Variants in SLCO3A1 observed in about 807,000 individuals in gnomAD.
SLCO3A1 encodes the protein PGE1 transporter.
Under a neutral mutation model 63.1 loss-of-function variants are expected in SLCO3A1, and 27 were observed. That is an observed-to-expected ratio of 0.43 (90% CI 0.32 to 0.59). The LOEUF is 0.59. SLCO3A1 is among the 20% of genes least tolerant of loss of function. The pLI is 0.09. For missense variants in SLCO3A1, 773 were observed against 945.8 expected (o/e 0.82, Z 2.40); for synonymous variants, 473 against 409.9 (o/e 1.15, Z -1.86).
intron 9 of SLCO3A1, among the ~76,000 whole-genome samples, chr15:92,158,467 A>G (rs374966808): frequency 2.6e-5 from 4 of 152,172 alleles, no homozygotes; most frequent in East Asian, 3.9e-4. Flanking sequence ...AAGGTGGGGC[A>G]GGGGGAGTGG....
At chr15:91,985,768 G>A (rs552146679) in intron 2 of SLCO3A1, among the ~76,000 whole-genome samples, 1 of 152,306 alleles carries the variant, frequency 6.6e-6, no homozygotes, top group African/African-American at 2.4e-5. Flanking sequence ...AAGGGCCACA[G>A]GACCACTTCC....
chr15:92,045,114 A>G (rs577274672), intron 2 of SLCO3A1, among the ~76,000 whole-genome samples: 14 of 152,262 alleles, frequency 9.2e-5, no homozygotes, highest in African/African-American at 3.4e-4. Flanking sequence ...CACCGTCTCT[A>G]CTAAAAATAC....
intron 2 of SLCO3A1, among the ~76,000 whole-genome samples, chr15:92,034,508 T>G (rs941637265): frequency 2.0e-5 from 3 of 151,342 alleles, no homozygotes; most frequent in Non-Finnish European, 4.4e-5. Context: ...GTTTGGGGCA[T>G]GGATGTAAGA....
intron 2 of SLCO3A1, among the ~76,000 whole-genome samples, chr15:91,947,634 C>G (rs1026596920): frequency 2.6e-5 from 4 of 152,174 alleles, no homozygotes; most frequent in African/African-American, 9.7e-5. Context: ...CTTGTTTAAC[C>G]CACTTGAGTG....
chr15:92,153,260 A>G (rs532820843), intron 9 of SLCO3A1, among the ~76,000 whole-genome samples: 19 of 152,144 alleles, frequency 1.2e-4, no homozygotes, highest in Non-Finnish European at 2.4e-4. Flanking sequence ...AAAAAAAATC[A>G]TGAAAAAATA....
chr15:91,963,458 T>C lies in SLCO3A1; in HGVS notation c.646+47000T>C, dbSNP rs189175738. 2.8e-3 allele frequency among the ~76,000 whole-genome samples: 417 copies of C among 150,522 alleles called. 2 individuals carry two copies. Among genetic ancestry groups the C allele is most frequent in the African/African-American group, 9.8e-3 (397 of 40,590 alleles). Reference sequence around the variant, plus strand: ...GGGGCTGATTAACTCCTGAATGTTGTGCTAATGAGAAAGTGGTGTGGGTAG... The same window carrying C: ...GGGGCTGATTAACTCCTGAATGTTGCGCTAATGAGAAAGTGGTGTGGGTAG... On this transcript the variant is annotated intron_variant, in intron 2 of 9. Coordinates refer to ENST00000318445, the MANE Select transcript of SLCO3A1 (RefSeq NM_013272.4).
intron 2 of SLCO3A1, among the ~76,000 whole-genome samples, chr15:92,092,924 G>C (rs1379339180): frequency 6.6e-6 from 1 of 152,118 alleles, no homozygotes; most frequent in Non-Finnish European, 1.5e-5. Context: ...ACAGTTTCTG[G>C]TTGGCCATGG....
In SLCO3A1 at chr15:92,162,675, T is replaced by C. The variant is rs1316632245; in HGVS notation, c.1754-81T>C. On this transcript the variant is annotated intron_variant, in intron 9 of 9. Transcript: ENST00000318445. ...CAGACATATTTGCCTAGCAGTGCTA[T>C]AAGAAAAGCTAGGCAGAGACAGGAA... The C allele has an allele frequency of 2.0e-6, 3 of 1,521,784 alleles. No individual in the cohort carries two copies. The East Asian group carries it at 6.8e-5, about 35-fold the overall frequency. 94.3% of individuals were successfully genotyped at this position (1,521,784 alleles called of 1,614,324 possible).
intron 2 of SLCO3A1, among the ~76,000 whole-genome samples, chr15:91,958,397 T>C (rs1262445356): frequency 6.6e-6 from 1 of 152,232 alleles, no homozygotes; most frequent in African/African-American, 2.4e-5. Context: ...GCATTTGATG[T>C]CATGGAGCAA....
rs577035915 is a variant in SLCO3A1 at position 91,868,142 on chromosome 15, C to G, written c.180+14054C>G. ...TCTCGGCTCGCTGCAACCTCTGCCT[C>G]CTGGGTTCAAGTAGTTCTCCCGCCT... On this transcript the variant is annotated intron_variant, in intron 1 of 9. Coordinates refer to ENST00000318445, the MANE Select transcript of SLCO3A1 (RefSeq NM_013272.4). Among the ~76,000 whole-genome samples, 403 of 151,648 alleles carry G rather than the reference C, an allele frequency of 2.7e-3. 3 individuals are homozygous for G. The highest frequency in any genetic ancestry group is 9.1e-3 in the African/African-American group (375 of 41,254).
intron 2 of SLCO3A1, among the ~76,000 whole-genome samples, chr15:92,027,242 A>C (rs72757413): frequency 0.037 from 5,655 of 152,328 alleles, 171 homozygotes; most frequent in Non-Finnish European, 0.051. Flanking sequence ...ATAAATGCTA[A>C]ATACGTGATT....
chr15:91,863,803 T>G lies in SLCO3A1; in HGVS notation c.180+9715T>G, dbSNP rs1354399886. On this transcript the variant is annotated intron_variant, in intron 1 of 9. Coordinates refer to ENST00000318445, the MANE Select transcript of SLCO3A1 (RefSeq NM_013272.4). The surrounding 1 kb of genome is among the most constrained non-coding windows in gnomAD (Gnocchi z 4.3). ...TGAGGGCAAGACTCCTGACTTATTG[T>G]GTGGCATGTCGTGTCGCCTCCCCAG... Among the ~76,000 whole-genome samples the G allele has an allele frequency of 1.3e-5, 2 of 152,210 alleles. No homozygotes were observed. Among genetic ancestry groups the G allele is most frequent in the African/African-American group, 4.8e-5 (2 of 41,452 alleles).
intron 2 of SLCO3A1, among the ~76,000 whole-genome samples, chr15:92,055,867 G>C (rs914686494): frequency 6.6e-6 from 1 of 152,176 alleles, no homozygotes; most frequent in Non-Finnish European, 1.5e-5. Flanking sequence ...TGGGAAGTGA[G>C]GTTAGTCAGA....
At chr15:92,093,075 G>A (rs899366953) in intron 2 of SLCO3A1, among the ~76,000 whole-genome samples, 10 of 152,120 alleles carry the variant, frequency 6.6e-5, no homozygotes, top group South Asian at 2.1e-4. Flanking sequence ...TATAAGCCCC[G>A]TTCAAATGAC....
chr15:91,961,393 G>A (rs972824278), intron 2 of SLCO3A1, among the ~76,000 whole-genome samples: 10 of 152,232 alleles, frequency 6.6e-5, no homozygotes, highest in South Asian at 2.1e-4. Flanking sequence ...CAATAGTGGC[G>A]TGTTGTCTTG....
intron 7 of SLCO3A1, among the ~76,000 whole-genome samples, chr15:92,128,763 G>A (rs1057298939): frequency 6.6e-5 from 10 of 152,180 alleles, no homozygotes; most frequent in Admixed American, 3.9e-4. Context: ...GTGGTTCAAG[G>A]TACTTGCAGT....
At position 91,950,670 on chromosome 15, in the gene SLCO3A1, G is replaced by T. The variant is rs893487805; in HGVS notation, c.646+34212G>T. Among the ~76,000 whole-genome samples the T allele has an allele frequency of 6.6e-6, 1 of 152,170 alleles. No homozygotes were observed. Among genetic ancestry groups the T allele is most frequent in the Non-Finnish European group, 1.5e-5 (1 of 68,032 alleles). On this transcript the variant is annotated intron_variant, in intron 2 of 9. Coordinates refer to ENST00000318445, the MANE Select transcript of SLCO3A1 (RefSeq NM_013272.4). The surrounding 1 kb of genome is among the most constrained non-coding windows in gnomAD (Gnocchi z 4.4). ...CCGCTGTTTATTTAATGTACATGTT[G>T]TCTGACTTCATTTGGTTCTGTATTT... is the stretch of plus-strand genomic sequence containing the variant.
chr15:92,064,980 T>G (rs550937561), intron 2 of SLCO3A1, among the ~76,000 whole-genome samples: 1 of 152,316 alleles, frequency 6.6e-6, no homozygotes, highest in African/African-American at 2.4e-5. Flanking sequence ...AGTTAATAAT[T>G]TATTATATTT....
At chr15:92,146,512 T>C (rs935071950) in intron 7 of SLCO3A1, among the ~76,000 whole-genome samples, 3 of 152,214 alleles carry the variant, frequency 2.0e-5, no homozygotes, top group Non-Finnish European at 4.4e-5. Context: ...CGTGCAGCCT[T>C]TGTTCCAAGT....
Sources: gnomAD v4.1 joint callset for allele counts (sites outside exome capture counted in the v4.1 genomes callset) on GRCh38, gnomAD v4.1.1 for gene constraint, Gnocchi (gnomAD v3.1) non-coding constraint, MANE v1.5 for transcripts, NCBI Gene and HGNC (gene_info 2026-07-23, HGNC 2026-07-21) for gene names.